Variants in MCF2L2 observed in about 807,000 individuals in gnomAD.
MCF2L2 encodes the protein probable guanine nucleotide exchange factor MCF2L2.
In MCF2L2, 102 loss-of-function variants were observed where a neutral mutation model predicts 150.2. The observed-to-expected ratio is 0.68, with a 90% CI of 0.58 to 0.80. MCF2L2 has a LOEUF of 0.80. MCF2L2 is among the 30% of genes least tolerant of loss of function. MCF2L2 has a pLI of 0.00. For synonymous variants in MCF2L2, 465 were observed against 491.3 expected, an observed-to-expected ratio of 0.95 and a Z score of 0.71; for missense variants, 1,256 against 1,372.8, an observed-to-expected ratio of 0.91 and a Z score of 1.34.
At chr3:183,403,378 A>C (rs191435751) in intron 1 of MCF2L2, among the ~76,000 whole-genome samples, 28 of 152,362 alleles carry the variant, frequency 1.8e-4, no homozygotes, top group African/African-American at 6.0e-4. Context: ...ACTTGTGATA[A>C]GAGAGAGTGA....
chr3:183,201,750 T>A (rs1356572116), intron 25 of MCF2L2, among the ~76,000 whole-genome samples: 1 of 152,208 alleles, frequency 6.6e-6, no homozygotes, highest in African/African-American at 2.4e-5. Context: ...AGTATGATAT[T>A]GGCTGTGGGT....
At chr3:183,415,848 T>C (rs1461378902) in intron 1 of MCF2L2, among the ~76,000 whole-genome samples, 1 of 152,194 alleles carries the variant, frequency 6.6e-6, no homozygotes, top group Non-Finnish European at 1.5e-5. Context: ...TTTCTGCCTT[T>C]TGATTGGATC....
At chr3:183,312,997 C>A (rs1729448488) in intron 7 of MCF2L2, among the ~76,000 whole-genome samples, 1 of 152,182 alleles carries the variant, frequency 6.6e-6, no homozygotes, top group Non-Finnish European at 1.5e-5. Flanking sequence ...CTCTTCTTTT[C>A]CATTCTCATG....
At chr3:183,324,244 G>A (rs967415431) in intron 5 of MCF2L2, among the ~76,000 whole-genome samples, 6 of 152,282 alleles carry the variant, frequency 3.9e-5, no homozygotes, top group African/African-American at 9.6e-5. Flanking sequence ...TAGCAGTTCC[G>A]CTGATGAGCG....
chr3:183,179,298 G>T lies in MCF2L2; in HGVS notation c.*82C>A, dbSNP rs565148013. On this transcript the variant is annotated 3_prime_UTR_variant, in exon 30 of 30. Transcript: ENST00000328913. This position sits in a 1 kb window ranked among gnomAD's most constrained non-coding sequence, Gnocchi z 4.2. ...GGCTCCGGCTGCTTTCTGCGTAGCT[G>T]GGCAGGGCCCGGGCCCCCACACCGC... 1.5e-6 allele frequency: 2 copies of T among 1,367,304 alleles called. No individual in the cohort carries two copies. Among genetic ancestry groups the T allele is most frequent in the South Asian group, 3.5e-5 (2 of 57,970 alleles). 84.7% of individuals were successfully genotyped at this position (1,367,304 alleles called of 1,614,324 possible). A position where few individuals can be genotyped will look rare whatever the true frequency, so the allele number is the denominator to read the frequency against.
rs1560040059 is a variant in MCF2L2 at position 183,360,986 on chromosome 3, A to AGAGAAGAGAAG, written c.275+18310_275+18311insCTTCTCTTCTC. On this transcript the variant is annotated intron_variant, in intron 3 of 29. Coordinates refer to ENST00000328913, the MANE Select transcript of MCF2L2 (RefSeq NM_015078.4). ...AAGAAAAGAAAAGAAAAGAAAAGAA[A>AGAGAAGAGAAG]AGAAAAGAAAAGAAAAGAAAAGAAA... Among the ~76,000 whole-genome samples the AGAGAAGAGAAG allele has an allele frequency of 6.9e-5, 9 of 130,276 alleles. 1 individual carries two copies. In the East Asian group the frequency reaches 1.9e-3, roughly 28 times the overall value. The allele number at this position is 130,276 out of a possible 152,430, so 85.5% of individuals were successfully genotyped here. A position where few individuals can be genotyped will look rare whatever the true frequency, so the allele number is the denominator to read the frequency against.
intron 5 of MCF2L2, among the ~76,000 whole-genome samples, chr3:183,329,191 C>G (rs75179748): frequency 0.05 from 7,548 of 152,228 alleles, 225 homozygotes; most frequent in East Asian, 0.12. Flanking sequence ...ATGTTTATAG[C>G]AGCTTTATTC....
chr3:183,325,513 AACC>A (rs1729987330), intron 5 of MCF2L2, among the ~76,000 whole-genome samples: 2 of 152,214 alleles, frequency 1.3e-5, no homozygotes, highest in South Asian at 4.1e-4. Flanking sequence ...AAAAATTTTA[AACC>A]ACTTATGGGA....
intron 11 of MCF2L2, chr3:183,297,642 C>CCCTT (rs59368179): frequency 0.012 from 1,742 of 146,206 alleles, 24 homozygotes; most frequent in East Asian, 0.048. Flanking sequence ...CTTCCTTCCT[C>CCCTT]CCTTCCTTCC....
intron 8 of MCF2L2, 106 bp from the exon 9 acceptor site, chr3:183,311,135 T>C (rs755595870): frequency 2.5e-5 from 16 of 650,830 alleles, no homozygotes; most frequent in African/African-American, 5.5e-5. Flanking sequence ...GTGGTGTCAA[T>C]TGTGACCATC....
chr3:183,364,393 G>A (rs936397186), intron 3 of MCF2L2, among the ~76,000 whole-genome samples: 4 of 152,086 alleles, frequency 2.6e-5, no homozygotes, highest in Non-Finnish European at 4.4e-5. Context: ...GGTGGTGGGT[G>A]CCTGTAGTCC....
chr3:183,389,583 C>T, intron 2 of MCF2L2, 113 bp downstream of exon 2: 2 of 879,964 alleles, frequency 2.3e-6, no homozygotes, highest in Admixed American at 2.0e-5. Context: ...CCGGGTGAAG[C>T]CTAAGGGGTG....
intron 5 of MCF2L2, among the ~76,000 whole-genome samples, chr3:183,337,251 A>G (rs1730520014): frequency 6.6e-6 from 1 of 152,092 alleles, no homozygotes; most frequent in African/African-American, 2.4e-5. Context: ...GTCATAGGTT[A>G]GGTGTATGTT....
At chr3:183,271,940 C>A (rs1264215973) in intron 15 of MCF2L2, 1 of 176,660 alleles carries the variant, frequency 5.7e-6, no homozygotes, top group African/African-American at 2.4e-5. Context: ...ACCCACTCCT[C>A]CCCAACAAGG....
At chr3:183,382,692 A>G (rs1713604523) in intron 2 of MCF2L2, among the ~76,000 whole-genome samples, 2 of 152,242 alleles carry the variant, frequency 1.3e-5, no homozygotes, top group Non-Finnish European at 2.9e-5. Flanking sequence ...ATTATTTGGT[A>G]CTAAGTAAAA....
chr3:183,369,907 C>T (rs976204880), intron 3 of MCF2L2, among the ~76,000 whole-genome samples: 3 of 152,212 alleles, frequency 2.0e-5, no homozygotes, highest in Non-Finnish European at 4.4e-5. Flanking sequence ...TTTAAAAAGG[C>T]AACATTCACA....
Position 183,197,578 on chromosome 3 carries a change from T to C in MCF2L2, c.2885-2323A>G, listed in dbSNP as rs896422325. Among the ~76,000 whole-genome samples the C allele has an allele frequency of 1.3e-5, 2 of 152,166 alleles. No individual in the cohort carries two copies. Among genetic ancestry groups the C allele is most frequent in the African/African-American group, 4.8e-5 (2 of 41,450 alleles). On this transcript the variant is annotated intron_variant, in intron 25 of 29. Transcript: ENST00000328913. The surrounding 1 kb of genome is among the most constrained non-coding windows in gnomAD (Gnocchi z 4.5). ...TTAGATAACGATTTCTTAGGCAGGA[T>C]ACCGAAAACATGATACATACAGTTT...
At chr3:183,257,460 T>C (rs746577838) in intron 15 of MCF2L2, among the ~76,000 whole-genome samples, 3 of 152,250 alleles carry the variant, frequency 2.0e-5, no homozygotes, top group Non-Finnish European at 4.4e-5. Context: ...AAGTTAATGT[T>C]TGTTGAATTA....
At chr3:183,266,790 C>CT (rs113393313) in intron 15 of MCF2L2, among the ~76,000 whole-genome samples, 542 of 143,654 alleles carry the variant, frequency 3.8e-3, no homozygotes, top group East Asian at 0.012. Context: ...GTGTTTCAGT[C>CT]TTTTTTTTTT....
Sources: gnomAD v4.1 joint callset for allele counts (sites outside exome capture counted in the v4.1 genomes callset) on GRCh38, gnomAD v4.1.1 for gene constraint, Gnocchi (gnomAD v3.1) non-coding constraint, MANE v1.5 for transcripts, NCBI Gene and HGNC (gene_info 2026-07-23, HGNC 2026-07-21) for gene names.